CCDC57: variants seen among roughly 807,000 people sequenced by gnomAD.
CCDC57 encodes the protein coiled-coil domain containing 57, also known as coiled-coil domain-containing protein 57.
A neutral mutation model predicts 118.9 loss-of-function variants in CCDC57; 118 were observed. That is an observed-to-expected ratio of 0.99 (90% confidence interval 0.86 to 1.16). The LOEUF (loss-of-function observed/expected upper bound fraction) is 1.16. CCDC57 is among the 50% of genes most tolerant of loss of function. The pLI is 0.00. For synonymous variants in CCDC57, 527 were observed against 532.9 expected, an observed-to-expected ratio of 0.99 and a Z score of 0.15; for missense variants, 1,300 against 1,320.7, an observed-to-expected ratio of 0.98 and a Z score of 0.24.
rs549877628 is a variant in CCDC57, at chr17:82,198,941, T to C, written c.408-519A>G. On this transcript the variant is annotated intron_variant, in intron 3 of 19. Coordinates refer to ENST00000665763, the Ensembl canonical transcript of CCDC57. ...CCGGGAGGTGGAGCTTGCAGTGAGC[T>C]GAGATCGTGCCACTGCACTCCAGCC... Among the ~76,000 whole-genome samples, 31 of 138,082 alleles carry C rather than the reference T, an allele frequency of 2.2e-4. No individual in the cohort carries two copies. The East Asian group carries it at 6.5e-3, about 29-fold the overall frequency. 90.6% of individuals were successfully genotyped at this position (138,082 alleles called of 152,430 possible). A position where few individuals can be genotyped will look rare whatever the true frequency, so the allele number is the denominator to read the frequency against.
At chr17:82,114,760 A>C (rs540922400) in intron 19 of CCDC57, among the ~76,000 whole-genome samples, 131 of 152,316 alleles carry the variant, frequency 8.6e-4, no homozygotes, top group Non-Finnish European at 1.5e-3. Flanking sequence ...AATTGTAAAC[A>C]TGACTCTTAG....
chr17:82,157,767 G>A, exon 15 of CCDC57: 1 of 1,601,326 alleles, frequency 6.2e-7, no homozygotes, highest in South Asian at 1.1e-5. Flanking sequence ...AAGGGCCACG[G>A]CGTCCGAGGC....
chr17:82,123,901 A>G (rs1156842229), intron 19 of CCDC57, among the ~76,000 whole-genome samples: 1 of 151,562 alleles, frequency 6.6e-6, no homozygotes, highest in Non-Finnish European at 1.5e-5. Flanking sequence ...TGCATTGGTC[A>G]GAAAACAAGA....
intron 16 of CCDC57, among the ~76,000 whole-genome samples, chr17:82,137,296 C>T (rs1464277144): frequency 6.6e-6 from 1 of 152,026 alleles, no homozygotes; most frequent in Non-Finnish European, 1.5e-5. Flanking sequence ...GCTGGGATTA[C>T]CGGCGTGAGC....
chr17:82,166,164 C>A (rs944695767), intron 13 of CCDC57, among the ~76,000 whole-genome samples: 1 of 151,734 alleles, frequency 6.6e-6, no homozygotes, highest in Non-Finnish European at 1.5e-5. Context: ...CCAAGAAAAT[C>A]TCAATGTGAA....
At chr17:82,202,812 G>A (rs1225020500) in intron 2 of CCDC57, among the ~76,000 whole-genome samples, 2 of 152,058 alleles carry the variant, frequency 1.3e-5, no homozygotes, top group African/African-American at 4.8e-5. Flanking sequence ...GGGAAGATGG[G>A]AAACATGGTT....
chr17:82,159,757 CG>C (rs2043100998), intron 14 of CCDC57, among the ~76,000 whole-genome samples: 1 of 151,760 alleles, frequency 6.6e-6, no homozygotes, highest in Non-Finnish European at 1.5e-5. Flanking sequence ...CTGCAACCTC[CG>C]CCTCCCGGGT....
chr17:82,202,725 G>C (rs746156333), intron 2 of CCDC57, among the ~76,000 whole-genome samples: 6 of 152,104 alleles, frequency 3.9e-5, no homozygotes, highest in Non-Finnish European at 7.4e-5. Context: ...ACTCCAGCCT[G>C]GGCGACACTA....
At chr17:82,163,002 G>A (rs76957679) in intron 14 of CCDC57, among the ~76,000 whole-genome samples, 198 bp downstream of exon 13, 13 of 152,322 alleles carry the variant, frequency 8.5e-5, no homozygotes, top group East Asian at 3.9e-4. Flanking sequence ...CTCATGGCAC[G>A]CCTTCCACGA....
intron 16 of CCDC57, among the ~76,000 whole-genome samples, chr17:82,144,967 C>T (rs999840294): frequency 2.0e-5 from 3 of 151,748 alleles, no homozygotes; most frequent in Non-Finnish European, 2.9e-5. Flanking sequence ...AACAGGAAAT[C>T]CTTTTACCTA....
At chr17:82,180,812 T>C (rs1423623069) in intron 9 of CCDC57, among the ~76,000 whole-genome samples, 1 of 152,156 alleles carries the variant, frequency 6.6e-6, no homozygotes, top group Non-Finnish European at 1.5e-5. Context: ...ACTGCAAAAA[T>C]AAATAAATCT....
At position 82,202,552 on chromosome 17, in the gene CCDC57, C is replaced by T. The variant is rs184541674; in HGVS notation, c.-8-600G>A. Reference sequence around the variant, plus strand: ...GTCACCTGAGGTCAGGAGTTTGAGACCGGCCTGGCCAACATGGTGAAACCC... The same window carrying T: ...GTCACCTGAGGTCAGGAGTTTGAGATCGGCCTGGCCAACATGGTGAAACCC... On this transcript the variant is annotated intron_variant, in intron 2 of 19. Transcript: ENST00000665763. Among the ~76,000 whole-genome samples, 1,420 of 152,018 alleles carry T rather than the reference C, an allele frequency of 9.3e-3. 15 individuals are homozygous for T. The highest frequency in any genetic ancestry group is 0.033 in the African/African-American group (1,362 of 41,438).
intron 15 of CCDC57, chr17:82,152,360 G>A: frequency 6.4e-6 from 1 of 155,480 alleles, no homozygotes; most frequent in South Asian, 2.0e-4. Flanking sequence ...GCCGGCTGTG[G>A]CTTCCCTCCT....
intron 16 of CCDC57, among the ~76,000 whole-genome samples, chr17:82,151,004 C>G (rs1471042764): frequency 6.6e-5 from 7 of 105,606 alleles, no homozygotes; most frequent in Non-Finnish European, 1.1e-4. Context: ...ACCAGGCACA[C>G]ACCCAGAACC....
rs531071559 is a variant in CCDC57 at position 82,212,689 on chromosome 17, C to G, written c.-211+96G>C. 2.0e-5 allele frequency: 3 copies of G among 152,128 alleles called. No homozygotes were observed. The highest frequency in any genetic ancestry group is 2.9e-5 in the Non-Finnish European group (2 of 67,976). The allele number at this position is 152,128 out of a possible 1,614,324, so 9.4% of individuals were successfully genotyped here. A position where few individuals can be genotyped will look rare whatever the true frequency, so the allele number is the denominator to read the frequency against. On this transcript the variant is annotated intron_variant, in intron 1 of 19. Transcript: ENST00000665763. The surrounding 1 kb of genome is among the most constrained non-coding windows in gnomAD (Gnocchi z 4.1). The stretch of plus-strand genomic sequence containing the variant: ...GTCCCCACCAAAGCGCTGCGTCCGA[C>G]AGGACGGCAGCTGCTGGGGTTTTCT...
At chr17:82,139,146 T>C (rs1252374712) in intron 16 of CCDC57, among the ~76,000 whole-genome samples, 1 of 152,220 alleles carries the variant, frequency 6.6e-6, no homozygotes, top group Admixed American at 6.5e-5. Flanking sequence ...AGATATTCTG[T>C]TTCTGGCATC....
chr17:82,127,733 G>A, exon 19 of CCDC57: 1 of 1,611,190 alleles, frequency 6.2e-7, no homozygotes, highest in Non-Finnish European at 8.5e-7. Context: ...AGAAGGGCTG[G>A]ATCCCAGGTC....
At chr17:82,200,152 G>A (rs1441145801) in intron 3 of CCDC57, among the ~76,000 whole-genome samples, 9 of 152,172 alleles carry the variant, frequency 5.9e-5, no homozygotes, top group Admixed American at 6.5e-5. Flanking sequence ...CTGCTGGACC[G>A]GAGCACCTGG....
Position 82,140,915 on chromosome 17 carries a change from T to A in CCDC57, c.2456-6721A>T, listed in dbSNP as rs970674746. On this transcript the variant is annotated intron_variant, in intron 16 of 19. Coordinates refer to ENST00000665763, the Ensembl canonical transcript of CCDC57. Reference sequence around the variant, plus strand: ...AATTTGCTCAAATTTATAGGGCAGGTGAAATCTGGCGGGTTCTTGGCTTGG... The same window carrying A: ...AATTTGCTCAAATTTATAGGGCAGGAGAAATCTGGCGGGTTCTTGGCTTGG... 5.3e-5 allele frequency among the ~76,000 whole-genome samples: 8 copies of A among 152,356 alleles called. No homozygotes were observed. In the East Asian group the frequency reaches 1.3e-3, roughly 26 times the overall value.
Sources: allele counts gnomAD v4.1 joint callset (sites outside exome capture counted in the v4.1 genomes callset), GRCh38; gene constraint gnomAD v4.1.1; non-coding constraint Gnocchi (gnomAD v3.1); transcripts MANE v1.5; gene names NCBI Gene and HGNC (gene_info 2026-07-23, HGNC 2026-07-21).